RALYL: variants seen among roughly 807,000 people sequenced by gnomAD.
RALYL encodes the protein RALY RNA binding protein like, also known as RNA-binding Raly-like protein.
Under a neutral mutation model 35.1 loss-of-function variants are expected in RALYL, and 29 were observed. That is an observed-to-expected ratio of 0.83 (90% confidence interval 0.61 to 1.13). The LOEUF is 1.13. RALYL is among the 50% of genes most tolerant of loss of function. The pLI, the probability that RALYL is intolerant of heterozygous loss-of-function variation, is 0.00. For synonymous variants in RALYL, 120 were observed against 127.6 expected (o/e 0.94, Z 0.40); for missense variants, 359 against 360.4 (o/e 1.00, Z 0.03).
intron 5 of RALYL, among the ~76,000 whole-genome samples, chr8:84,857,036 GAAAAAAAA>G (rs36119108): frequency 1.1e-4 from 10 of 91,828 alleles, no homozygotes; most frequent in South Asian, 4.6e-4. Context: ...CTCCGTCTCA[GAAAAAAAA>G]AAAAAAAAAA....
intron 1 of RALYL, among the ~76,000 whole-genome samples, chr8:84,411,785 G>A (rs911320635): frequency 7.2e-5 from 11 of 151,950 alleles, no homozygotes; most frequent in East Asian, 1.9e-4. Context: ...GCTGAAAATC[G>A]TCATATGTCT....
chr8:84,721,648 C>T (rs1424012462), intron 2 of RALYL, among the ~76,000 whole-genome samples: 1 of 152,040 alleles, frequency 6.6e-6, no homozygotes, highest in Non-Finnish European at 1.5e-5. Context: ...GATTTGTAGC[C>T]ATTAATCTCA....
intron 1 of RALYL, among the ~76,000 whole-genome samples, chr8:84,461,955 A>G (rs1377882822): frequency 6.6e-6 from 1 of 151,604 alleles, no homozygotes; most frequent in Non-Finnish European, 1.5e-5. Context: ...TTTATGTTAT[A>G]CTTTCTGTGA....
intron 2 of RALYL, among the ~76,000 whole-genome samples, chr8:84,666,651 G>A (rs1486524551): frequency 6.6e-6 from 1 of 152,018 alleles, no homozygotes; most frequent in Admixed American, 6.6e-5. Flanking sequence ...TTCCCAGGAG[G>A]CACTAATGTG....
chr8:84,687,134 A>T (rs893123305), intron 2 of RALYL, among the ~76,000 whole-genome samples: 7 of 152,152 alleles, frequency 4.6e-5, no homozygotes, highest in African/African-American at 1.7e-4. Context: ...AGAATTTTTA[A>T]TTCAGCCAAA....
At chr8:84,347,948 G>C (rs1225458184) in intron 1 of RALYL, among the ~76,000 whole-genome samples, 1 of 152,072 alleles carries the variant, frequency 6.6e-6, no homozygotes, top group East Asian at 1.9e-4. Flanking sequence ...AGTATTTATA[G>C]ACAGAAAGGG....
chr8:84,629,824 G>C (rs1306022058), intron 2 of RALYL, among the ~76,000 whole-genome samples: 2 of 151,972 alleles, frequency 1.3e-5, no homozygotes, highest in Non-Finnish European at 2.9e-5. Context: ...CCTACAATGA[G>C]TATGCATTTT....
Position 84,902,204 on chromosome 8 carries a change from G to A in RALYL, c.858+14428G>A, listed in dbSNP as rs141067390. On this transcript the variant is annotated intron_variant, in intron 8 of 8. Coordinates refer to ENST00000521268, the MANE Select transcript of RALYL (RefSeq NM_173848.7). The stretch of plus-strand genomic sequence containing the variant: ...TGATGCTGGCATCTCCTCAGCTTCC[G>A]AGGAGGCCCCGGAAGTATAATCATG... Among the ~76,000 whole-genome samples, 314 of 152,174 alleles carry A rather than the reference G, an allele frequency of 2.1e-3. 2 individuals carry two copies. The highest frequency in any genetic ancestry group is 7.4e-3 in the African/African-American group (306 of 41,552).
chr8:84,512,470 A>G (rs2057703917), intron 1 of RALYL, among the ~76,000 whole-genome samples: 1 of 152,090 alleles, frequency 6.6e-6, no homozygotes, highest in South Asian at 2.1e-4. Flanking sequence ...ATTTTATCCC[A>G]TTCAACAGAT....
At chr8:84,334,763 C>T (rs113541985) in intron 1 of RALYL, among the ~76,000 whole-genome samples, 4,120 of 152,102 alleles carry the variant, frequency 0.027, 100 homozygotes, top group Non-Finnish European at 0.031. Context: ...GGAACATAAC[C>T]TCAGCTTTCT....
chr8:84,201,567 C>CTT (rs35305807), intron 1 of RALYL, among the ~76,000 whole-genome samples: 1 of 137,778 alleles, frequency 7.3e-6, no homozygotes. Flanking sequence ...TTTTGCTTTT[C>CTT]TTTTTTTTTT....
rs576633973 is a variant in RALYL, at chr8:84,247,835, C to G, written c.-24+63411C>G. Among the ~76,000 whole-genome samples, 30 of 152,114 alleles carry G rather than the reference C, an allele frequency of 2.0e-4. No individual in the cohort carries two copies. The South Asian group carries it at 6.2e-3, about 32-fold the overall frequency. On this transcript the variant is annotated intron_variant, in intron 1 of 8. Transcript: ENST00000521268. The stretch of plus-strand genomic sequence containing the variant: ...ACAGTCTGCCAGAGTTTCAGTTATG[C>G]AAATAAAATAAATGGTGGGACTCAG...
At chr8:84,295,674 C>T (rs888277912) in intron 1 of RALYL, among the ~76,000 whole-genome samples, 1 of 152,012 alleles carries the variant, frequency 6.6e-6, no homozygotes, top group African/African-American at 2.4e-5. Context: ...TTACTTGGAC[C>T]ATATCTTCTT....
intron 1 of RALYL, among the ~76,000 whole-genome samples, chr8:84,439,179 A>G (rs1175933449): frequency 1.3e-5 from 2 of 151,936 alleles, no homozygotes; most frequent in Non-Finnish European, 2.9e-5. Context: ...TTTGGGCAGT[A>G]TGGTTGTTTT....
intron 1 of RALYL, among the ~76,000 whole-genome samples, chr8:84,219,310 T>C (rs2131283664): frequency 6.6e-6 from 1 of 152,156 alleles, no homozygotes; most frequent in East Asian, 1.9e-4. Flanking sequence ...CTTGCATTCA[T>C]TCTCCTTCCT....
chr8:84,441,290 T>G (rs1412158841), intron 1 of RALYL, among the ~76,000 whole-genome samples: 1 of 152,112 alleles, frequency 6.6e-6, no homozygotes, highest in Non-Finnish European at 1.5e-5. Flanking sequence ...GATTCAAAAG[T>G]AAATAAGAAA....
chr8:84,578,862 A>C (rs1810145729), intron 2 of RALYL, among the ~76,000 whole-genome samples: 1 of 152,202 alleles, frequency 6.6e-6, no homozygotes, highest in Non-Finnish European at 1.5e-5. Flanking sequence ...GAGGAAGTGC[A>C]TGCTGATTGG....
intron 2 of RALYL, among the ~76,000 whole-genome samples, chr8:84,735,267 A>G (rs954885654): frequency 2.0e-5 from 3 of 152,006 alleles, no homozygotes; most frequent in African/African-American, 7.2e-5. Context: ...CAGGACCTAA[A>G]ACAGTGTCTG....
chr8:84,606,818 A>G (rs1200183593), intron 2 of RALYL, among the ~76,000 whole-genome samples: 1 of 152,142 alleles, frequency 6.6e-6, no homozygotes, highest in Non-Finnish European at 1.5e-5. Context: ...CCATACATAT[A>G]TTTGTTTAAG....
Sources: gnomAD v4.1 joint callset for allele counts (sites outside exome capture counted in the v4.1 genomes callset) on GRCh38, gnomAD v4.1.1 for gene constraint, MANE v1.5 for transcripts, NCBI Gene and HGNC (gene_info 2026-07-23, HGNC 2026-07-21) for gene names.